Variants in USH2A observed in about 807,000 individuals in gnomAD.
USH2A encodes the protein usherin.
In USH2A, 443 loss-of-function variants were observed where a neutral mutation model predicts 538.9. The ratio of observed to expected loss-of-function variants is 0.82; its 90% CI spans 0.76 to 0.89. The LOEUF (loss-of-function observed/expected upper bound fraction) is 0.89, where lower values mean the gene tolerates loss of function less well. USH2A is among the 40% of genes least tolerant of loss of function. The pLI, the probability that USH2A is intolerant of heterozygous loss-of-function variation, is 0.00. For missense variants in USH2A, 6,633 were observed against 6,324.8 expected, an observed-to-expected ratio of 1.05 and a Z score of -1.65; for synonymous variants, 2,413 against 2,273.5, an observed-to-expected ratio of 1.06 and a Z score of -1.75.
At chr1:215,733,743 C>T (rs76759870) in intron 60 of USH2A, among the ~76,000 whole-genome samples, 2 of 152,206 alleles carry the variant, frequency 1.3e-5, no homozygotes, top group African/African-American at 2.4e-5. Flanking sequence ...AGACATTAAA[C>T]CTTAAAGCTC....
chr1:215,973,976 A>T (rs1404506296), intron 35 of USH2A, among the ~76,000 whole-genome samples: 1 of 151,762 alleles, frequency 6.6e-6, no homozygotes, highest in Non-Finnish European at 1.5e-5. Context: ...ACACAAACAC[A>T]GAGTTACCCG....
intron 44 of USH2A, among the ~76,000 whole-genome samples, chr1:215,849,992 T>TTA (rs34042697): frequency 1.5e-4 from 23 of 152,044 alleles, no homozygotes; most frequent in African/African-American, 4.6e-4. Context: ...TTGATCTTTT[T>TTA]AAGTTTCATG....
chr1:215,648,943 T>C (rs189035544), intron 65 of USH2A, among the ~76,000 whole-genome samples, 177 bp from the exon 66 acceptor site: 1 of 152,160 alleles, frequency 6.6e-6, no homozygotes, highest in East Asian at 1.9e-4. Context: ...GTTAGAGAGG[T>C]ATGACAAATA....
intron 38 of USH2A, among the ~76,000 whole-genome samples, chr1:215,922,198 T>G (rs1052074883): frequency 6.6e-6 from 1 of 152,160 alleles, no homozygotes; most frequent in African/African-American, 2.4e-5. Flanking sequence ...GAGTTTCTTA[T>G]AGCAGATGTT....
intron 66 of USH2A, 151 bp downstream of exon 66, chr1:215,648,377 A>C: frequency 1.3e-6 from 1 of 785,000 alleles, no homozygotes; most frequent in Non-Finnish European, 2.2e-6. Context: ...CTACTTTGCT[A>C]TAGATATCTG....
intron 21 of USH2A, among the ~76,000 whole-genome samples, chr1:216,142,145 C>A (rs2033615633): frequency 6.6e-6 from 1 of 152,028 alleles, no homozygotes; most frequent in Admixed American, 6.5e-5. Context: ...TAGAAGAAAC[C>A]AGAAGATATT....
Position 215,670,996 on chromosome 1 carries a change from C to A in USH2A, c.14109G>T (p.Leu4703Phe). ...SSTSFIDSEL[L>F]PFTEYEYQVW... ...CCTGATACTCATACTCTGTGAAAGGCAATAGTTCGGAATCTATAAAAGATG... is the reference window on the plus strand; with the variant it reads ...CCTGATACTCATACTCTGTGAAAGGAAATAGTTCGGAATCTATAAAAGATG... The change falls in exon 64 of 72, where the codon TTG becomes TTT. Residue 4703 changes from leucine (L) to phenylalanine (F), a missense_variant. Leu to Phe is a conservative substitution (Grantham distance 22). Coordinates refer to ENST00000307340, the MANE Select transcript of USH2A (RefSeq NM_206933.4). 1 of 1,614,140 alleles carries A rather than the reference C, an allele frequency of 6.2e-7. No homozygotes were observed. Among genetic ancestry groups the A allele is most frequent in the Non-Finnish European group, 8.5e-7 (1 of 1,180,006 alleles).
At chr1:216,288,986 C>T (rs2036942686) in intron 11 of USH2A, among the ~76,000 whole-genome samples, 1 of 151,922 alleles carries the variant, frequency 6.6e-6, no homozygotes, top group South Asian at 2.1e-4. Flanking sequence ...ATTAATTCAC[C>T]AATAATTCCA....
chr1:215,796,997 T>C (rs918785353), intron 50 of USH2A, among the ~76,000 whole-genome samples: 20 of 152,250 alleles, frequency 1.3e-4, no homozygotes, highest in Non-Finnish European at 2.5e-4. Flanking sequence ...GTGGGTCTTA[T>C]GGCCTTCAAC....
intron 29 of USH2A, among the ~76,000 whole-genome samples, chr1:216,071,545 T>C (rs2031558104): frequency 6.6e-6 from 1 of 152,188 alleles, no homozygotes; most frequent in African/African-American, 2.4e-5. Context: ...TGGGAGCATG[T>C]AGCTGCTCAG....
At chr1:216,271,583 C>T (rs552876499) in intron 11 of USH2A, among the ~76,000 whole-genome samples, 1 of 152,148 alleles carries the variant, frequency 6.6e-6, no homozygotes, top group African/African-American at 2.4e-5. Flanking sequence ...AGCAAACCTC[C>T]TTGCTTTGTT....
intron 11 of USH2A, among the ~76,000 whole-genome samples, chr1:216,281,978 T>C (rs185898316): frequency 2.8e-4 from 42 of 151,834 alleles, no homozygotes; most frequent in African/African-American, 2.4e-5. Flanking sequence ...AATCTTTTTA[T>C]GTGCTTGCTG....
At chr1:216,081,231 G>A (rs934165692) in intron 26 of USH2A, among the ~76,000 whole-genome samples, 2 of 152,090 alleles carry the variant, frequency 1.3e-5, no homozygotes, top group Admixed American at 6.6e-5. Context: ...GCTCAGGTAA[G>A]GAGCAAGTAA....
intron 35 of USH2A, among the ~76,000 whole-genome samples, chr1:215,989,358 A>G (rs1285941570): frequency 6.6e-6 from 1 of 152,034 alleles, no homozygotes; most frequent in African/African-American, 2.4e-5. Context: ...ACATGTCCAC[A>G]TCTCATAGGG....
At chr1:216,339,500 A>C (rs536571751) in intron 4 of USH2A, among the ~76,000 whole-genome samples, 2 of 151,864 alleles carry the variant, frequency 1.3e-5, no homozygotes, top group East Asian at 3.9e-4. Flanking sequence ...GAGGTTGTTG[A>C]TGAATTTTTT....
rs1424675024 is a variant in USH2A at position 215,965,609 on chromosome 1, T to C, written c.6958-130A>G. ...TTTTGACAGTAGCATCTTGTATGAA[T>C]ACCTCATTTTGTCAGCAGGATCAAA... On this transcript the variant is annotated intron_variant, in intron 36 of 71. Coordinates refer to ENST00000307340, the MANE Select transcript of USH2A (RefSeq NM_206933.4). The C allele has an allele frequency of 6.8e-6, 7 of 1,035,870 alleles. No homozygotes were observed. The East Asian group carries it at 1.8e-4, about 27-fold the overall frequency. 64.2% of individuals were successfully genotyped at this position (1,035,870 alleles called of 1,614,324 possible).
chr1:216,040,320 A>G (rs1267784629), intron 32 of USH2A, among the ~76,000 whole-genome samples: 1 of 151,952 alleles, frequency 6.6e-6, no homozygotes, highest in Non-Finnish European at 1.5e-5. Context: ...GTCCCTATTA[A>G]CCTTTCCTCT....
intron 64 of USH2A, among the ~76,000 whole-genome samples, chr1:215,661,634 A>G (rs1657440360): frequency 6.6e-6 from 1 of 152,196 alleles, no homozygotes; most frequent in Non-Finnish European, 1.5e-5. Flanking sequence ...TACCAATAAC[A>G]GTAGGTGGGC....
intron 50 of USH2A, among the ~76,000 whole-genome samples, chr1:215,795,362 G>A (rs1252417706): frequency 6.6e-6 from 1 of 152,080 alleles, no homozygotes; most frequent in Non-Finnish European, 1.5e-5. Context: ...GAATATGCAT[G>A]CATTCATCCC....
Sources: gnomAD v4.1 joint callset for allele counts (sites outside exome capture counted in the v4.1 genomes callset) on GRCh38, gnomAD v4.1.1 for gene constraint, MANE v1.5 for transcripts, NCBI Gene and HGNC (gene_info 2026-07-23, HGNC 2026-07-21) for gene names.